RBBP8: variants seen among roughly 807,000 people sequenced by gnomAD.
RBBP8 encodes the protein DNA endonuclease RBBP8.
A neutral mutation model predicts 108.3 loss-of-function variants in RBBP8; 88 were observed. The ratio of observed to expected loss-of-function variants is 0.81; its 90% CI spans 0.68 to 0.97. The LOEUF (loss-of-function observed/expected upper bound fraction) is 0.97. Ranked by LOEUF, RBBP8 falls within the 50% of genes least tolerant of loss-of-function variation. The pLI is 0.00. For missense variants in RBBP8, 1,023 were observed against 1,049.0 expected (o/e 0.98, Z 0.34); for synonymous variants, 332 against 348.2 (o/e 0.95, Z 0.52).
intron 15 of RBBP8, chr18:23,004,436 C>T (rs1482846185): frequency 6.6e-6 from 1 of 152,226 alleles, no homozygotes; most frequent in African/African-American, 2.4e-5. Context: ...ACCACATGTT[C>T]TTATTCATAT....
upstream of RBBP8, among the ~76,000 whole-genome samples, chr18:22,930,612 T>TA (rs1019630201): frequency 6.6e-6 from 1 of 152,198 alleles, no homozygotes; most frequent in Admixed American, 6.5e-5. Context: ...AAATCTCATT[T>TA]AAAAATCTAA....
rs141454833 is a variant in RBBP8 at position 23,013,954 on chromosome 18, T to C, written c.2358-2874T>C. On this transcript the variant is annotated intron_variant, in intron 16 of 18. Transcript: ENST00000327155. ...ACTACTGTTCATTGACAAAGCACGTTGTCACCCAAGAGCTCTGATGGAGAT... is the reference window on the plus strand; with the variant it reads ...ACTACTGTTCATTGACAAAGCACGTCGTCACCCAAGAGCTCTGATGGAGAT... 6.0e-3 allele frequency among the ~76,000 whole-genome samples: 913 copies of C among 152,312 alleles called. 7 individuals carry two copies. Among genetic ancestry groups the C allele is most frequent in the African/African-American group, 0.019 (803 of 41,568 alleles).
intron 3 of RBBP8, among the ~76,000 whole-genome samples, chr18:22,947,897 T>TA (rs11459449): frequency 0.013 from 1,989 of 152,196 alleles, 49 homozygotes; most frequent in African/African-American, 0.045. Context: ...TTCATCTACA[T>TA]AATAGTTTAG....
At chr18:22,997,116 T>C (rs1368493526) in intron 13 of RBBP8, among the ~76,000 whole-genome samples, 1 of 152,260 alleles carries the variant, frequency 6.6e-6, no homozygotes, top group African/African-American at 2.4e-5. Context: ...ATTTTCCAAG[T>C]TGACTATTTT....
chr18:22,932,873 G>C (rs1910123806), upstream of RBBP8, among the ~76,000 whole-genome samples: 1 of 152,174 alleles, frequency 6.6e-6, no homozygotes, highest in Non-Finnish European at 1.5e-5. Flanking sequence ...GCAAAATACA[G>C]ATCGTTTTGA....
intron 3 of RBBP8, among the ~76,000 whole-genome samples, chr18:22,922,506 A>C (rs1006766523): frequency 4.6e-5 from 7 of 152,184 alleles, no homozygotes; most frequent in Non-Finnish European, 2.9e-5. Flanking sequence ...TCTGTCACCC[A>C]GGCTGGAGTG....
At chr18:22,946,310 G>GT in intron 2 of RBBP8, 134 bp from the exon 3 acceptor site, 1 of 1,190,940 alleles carries the variant, frequency 8.4e-7, no homozygotes, top group Non-Finnish European at 1.2e-6. Flanking sequence ...CAGAGTACAC[G>GT]TAAGGGGCAT....
chr18:22,999,666 C>T (rs78055489), intron 14 of RBBP8, among the ~76,000 whole-genome samples: 1 of 151,948 alleles, frequency 6.6e-6, no homozygotes, highest in Non-Finnish European at 1.5e-5. Flanking sequence ...AAAAATTACC[C>T]CATAAGGTAA....
intron 2 of RBBP8, among the ~76,000 whole-genome samples, chr18:22,916,140 T>A (rs1035799757): frequency 9.9e-5 from 15 of 152,104 alleles, no homozygotes; most frequent in Non-Finnish European, 1.6e-4. Flanking sequence ...CAAAAAGTAT[T>A]CCACTCATTT....
chr18:22,960,048 C>A (rs367976750), intron 4 of RBBP8, among the ~76,000 whole-genome samples: 3 of 151,710 alleles, frequency 2.0e-5, no homozygotes, highest in East Asian at 3.9e-4. Flanking sequence ...CCCGCCACCA[C>A]GCCCAACTAA....
intron 3 of RBBP8, among the ~76,000 whole-genome samples, chr18:22,947,742 G>A (rs1911691958): frequency 6.6e-6 from 1 of 151,938 alleles, no homozygotes; most frequent in African/African-American, 2.4e-5. Context: ...GACTCTTTTT[G>A]CACTGTCTGG....
At chr18:22,929,523 G>GTGTGT (rs1909934821), upstream of RBBP8, 1 of 118,588 alleles carries the variant, frequency 8.4e-6, no homozygotes, top group African/African-American at 3.6e-5. Context: ...GAGACAGGCG[G>GTGTGT]GTGTGTGTGT....
chr18:22,996,955 A>G (rs752306707), intron 13 of RBBP8, among the ~76,000 whole-genome samples: 2 of 152,186 alleles, frequency 1.3e-5, no homozygotes, highest in East Asian at 1.9e-4. Flanking sequence ...GTATGATCAC[A>G]CCACTGCACA....
At chr18:22,945,674 G>A (rs1043951257) in intron 2 of RBBP8, among the ~76,000 whole-genome samples, 5 of 152,120 alleles carry the variant, frequency 3.3e-5, no homozygotes, top group Admixed American at 2.0e-4. Context: ...ATGAATCACC[G>A]TGCCCAGCCG....
chr18:23,002,015 A>G (rs1037107069), intron 15 of RBBP8, among the ~76,000 whole-genome samples: 1 of 152,242 alleles, frequency 6.6e-6, no homozygotes, highest in Non-Finnish European at 1.5e-5. Flanking sequence ...TTAGTTTGGT[A>G]TTACAAATTT....
At chr18:22,970,866 G>A (rs748106335) in intron 5 of RBBP8, among the ~76,000 whole-genome samples, 3 of 152,016 alleles carry the variant, frequency 2.0e-5, no homozygotes, top group Non-Finnish European at 4.4e-5. Context: ...CTTGACAAGT[G>A]GAAGTTTTGT....
intron 12 of RBBP8, among the ~76,000 whole-genome samples, chr18:22,994,591 G>A (rs2045819885): frequency 1.4e-5 from 2 of 147,752 alleles, no homozygotes; most frequent in African/African-American, 5.0e-5. Context: ...GCAGTGAGCC[G>A]AGATCGTGCC....
intron 4 of RBBP8, among the ~76,000 whole-genome samples, chr18:22,967,130 G>T (rs960333212): frequency 9.9e-5 from 15 of 152,128 alleles, no homozygotes; most frequent in African/African-American, 3.4e-4. Context: ...ACTTTGGGAG[G>T]CGGAAGCAAG....
intron 17 of RBBP8, among the ~76,000 whole-genome samples, chr18:23,021,208 G>A (rs1411039989): frequency 1.3e-5 from 2 of 152,070 alleles, no homozygotes; most frequent in Non-Finnish European, 2.9e-5. Context: ...TCAGGAATTC[G>A]AGACCAGCCT....
Sources: gnomAD v4.1 joint callset for allele counts (sites outside exome capture counted in the v4.1 genomes callset) on GRCh38, gnomAD v4.1.1 for gene constraint, MANE v1.5 for transcripts, NCBI Gene and HGNC (gene_info 2026-07-23, HGNC 2026-07-21) for gene names.